Variants in SIM1 observed in about 807,000 individuals in gnomAD.
SIM1 encodes the protein single-minded homolog 1.
SIM1 carries 18 observed loss-of-function variants against 78.2 expected under a neutral mutation model. The observed-to-expected ratio is 0.23, with a 90% CI of 0.16 to 0.34. The LOEUF is 0.34. Among genes scored for constraint, SIM1 ranks in the 10% least tolerant of loss-of-function variants. SIM1 has a pLI of 1.00. For synonymous variants in SIM1, 417 were observed against 385.2 expected, an observed-to-expected ratio of 1.08 and a Z score of -0.97; for missense variants, 939 against 975.1, an observed-to-expected ratio of 0.96 and a Z score of 0.49.
chr6:100,463,274 A>C lies in SIM1; in HGVS notation c.175+20T>G. 3.8e-6 allele frequency: 6 copies of C among 1,590,240 alleles called. No homozygotes were observed. Among genetic ancestry groups the C allele is most frequent in the Non-Finnish European group, 5.2e-6 (6 of 1,161,890 alleles). On this transcript the variant is annotated intron_variant, in intron 2 of 11. Transcript: ENST00000369208. ...CGGCCCCTTCTGCCTTTGAAATTCC[A>C]TCTGGGCAAAGTCACTTACCTTCTG...
In SIM1 at chr6:100,390,808, G is replaced by C; in HGVS notation, c.1854C>G (p.Val618=). The part of the protein sequence containing the change: ...NYQQPPPTGE[V]CHGSALANTS... ...TGTTGGCAAGAGCAGAGCCATGGCA[G>C]ACTTCACCTGTTGGTGGGGGCTGTT... Residue 618 remains valine (V), a synonymous_variant, in exon 12 of 12, where the codon GTC becomes GTG. Transcript: ENST00000369208. 1 of 1,614,198 alleles carries C rather than the reference G, an allele frequency of 6.2e-7. No individual in the cohort carries two copies. The highest frequency in any genetic ancestry group is 1.7e-5 in the Admixed American group (1 of 60,028).
chr6:100,454,388 C>T (rs569299143), intron 2 of SIM1, among the ~76,000 whole-genome samples: 147 of 152,242 alleles, frequency 9.7e-4, no homozygotes, highest in African/African-American at 3.4e-3. Context: ...TAATCGCCTT[C>T]GGAAAAATTA....
At chr6:100,438,940 T>G (rs959812471) in intron 9 of SIM1, among the ~76,000 whole-genome samples, 3 of 152,136 alleles carry the variant, frequency 2.0e-5, no homozygotes, top group African/African-American at 7.2e-5. Context: ...AATGGTATAA[T>G]GGACTTTGGG....
chr6:100,463,733 G>A lies in SIM1; in HGVS notation c.-265C>T, dbSNP rs781180147. 2.5e-4 allele frequency: 87 copies of A among 341,322 alleles called. No homozygotes were observed. The highest frequency in any genetic ancestry group is 4.3e-4 in the Non-Finnish European group (81 of 186,842). The allele number at this position is 341,322 out of a possible 1,614,324, so 21.1% of individuals were successfully genotyped here. On this transcript the variant is annotated 5_prime_UTR_variant, in exon 2 of 12. Coordinates refer to ENST00000369208, the MANE Select transcript of SIM1 (RefSeq NM_005068.3). Reference sequence around the variant, plus strand: ...AATTTGGGCGATCCACCGAATTTGGGCAATCCTGAGGGTCGTTCAGGGTAT... The same window carrying A: ...AATTTGGGCGATCCACCGAATTTGGACAATCCTGAGGGTCGTTCAGGGTAT...
intron 3 of SIM1, 141 bp downstream of exon 3, chr6:100,453,621 T>G: frequency 3.1e-6 from 2 of 641,436 alleles, no homozygotes; most frequent in Non-Finnish European, 5.2e-6. Flanking sequence ...GAGGGCCACG[T>G]GCAGTCCGGA....
chr6:100,391,235 G>A, intron 11 of SIM1, 144 bp from the exon 12 acceptor site: 1 of 836,940 alleles, frequency 1.2e-6, no homozygotes, highest in Non-Finnish European at 1.8e-6. Context: ...CATGATGTGA[G>A]CACATGAGTG....
At chr6:100,449,566 C>T (rs2114542356) in intron 5 of SIM1, 25 bp downstream of exon 5, 6 of 1,592,138 alleles carry the variant, frequency 3.8e-6, no homozygotes, top group Non-Finnish European at 4.3e-6. Flanking sequence ...TGGGCCTGAG[C>T]GTCGCAGGCA....
At chr6:100,421,762 G>C (rs900323114) in intron 9 of SIM1, among the ~76,000 whole-genome samples, 6 of 152,104 alleles carry the variant, frequency 3.9e-5, no homozygotes, top group African/African-American at 1.4e-4. Flanking sequence ...TACAACCTCT[G>C]CTGGCTTCTA....
At chr6:100,410,827 G>A (rs1771171291) in intron 10 of SIM1, among the ~76,000 whole-genome samples, 1 of 152,174 alleles carries the variant, frequency 6.6e-6, no homozygotes, top group Non-Finnish European at 1.5e-5. Context: ...GGCAGATGAA[G>A]TTCTCTAAAT....
chr6:100,458,089 G>C (rs1430847366), intron 2 of SIM1, among the ~76,000 whole-genome samples: 1 of 146,838 alleles, frequency 6.8e-6, no homozygotes, highest in African/African-American at 2.6e-5. Flanking sequence ...CGGAGCTCCA[G>C]CCCTCGAGTT....
chr6:100,433,678 G>T (rs765443637), intron 9 of SIM1, among the ~76,000 whole-genome samples: 11 of 151,728 alleles, frequency 7.2e-5, no homozygotes, highest in Non-Finnish European at 1.5e-4. Flanking sequence ...TCGAGGTGCG[G>T]TGAACCATGA....
At chr6:100,437,790 T>G (rs1359909673) in intron 9 of SIM1, among the ~76,000 whole-genome samples, 3 of 152,118 alleles carry the variant, frequency 2.0e-5, no homozygotes, top group African/African-American at 7.2e-5. Flanking sequence ...ACTGCAGAAA[T>G]CACCACATAC....
intron 9 of SIM1, among the ~76,000 whole-genome samples, chr6:100,422,919 C>G (rs1771633280): frequency 6.6e-6 from 1 of 152,144 alleles, no homozygotes; most frequent in Admixed American, 6.6e-5. Flanking sequence ...ATCACTGCCA[C>G]CAAACACAGG....
At position 100,391,044 on chromosome 6, in the gene SIM1, C is replaced by G; in HGVS notation, c.1618G>C (p.Gly540Arg). Residue 540 changes from glycine (G) to arginine (R), a missense_variant, in exon 12 of 12, where the codon GGG (glycine) becomes CGG (arginine). By Grantham distance (125) the Gly-to-Arg change is moderately radical. Around this residue, in one of 5 missense-constraint regions of SIM1, gnomAD observed 556 missense variants for 521.9 expected, o/e 1.07. Transcript: ENST00000369208. ...CGGTCACCTGATTCACTGGCCGACCCAGGGTCTGGAGAACTGACCACACTA... is the reference window on the plus strand; with the variant it reads ...CGGTCACCTGATTCACTGGCCGACCGAGGGTCTGGAGAACTGACCACACTA... ...EDSVVSSPDP[G>R]SASESGDRYR... 6.2e-7 allele frequency: 1 copy of G among 1,613,992 alleles called. No individual in the cohort carries two copies. Among genetic ancestry groups the G allele is most frequent in the Non-Finnish European group, 8.5e-7 (1 of 1,179,970 alleles).
chr6:100,426,235 C>A (rs1771726505), intron 9 of SIM1, among the ~76,000 whole-genome samples: 1 of 152,172 alleles, frequency 6.6e-6, no homozygotes, highest in Non-Finnish European at 1.5e-5. Context: ...GCTTGTCAAT[C>A]TCACCCATAT....
intron 10 of SIM1, among the ~76,000 whole-genome samples, chr6:100,405,705 G>A (rs764648795): frequency 5.3e-5 from 8 of 152,072 alleles, no homozygotes; most frequent in Non-Finnish European, 1.0e-4. Flanking sequence ...GGTTTGAAAT[G>A]TCACAGGCCT....
rs771812586 is a variant in SIM1 at position 100,448,703 on chromosome 6, G to A, written c.544-25C>T. 4 of 1,595,870 alleles carry A rather than the reference G, an allele frequency of 2.5e-6. No individual in the cohort carries two copies. The African/African-American group carries it at 5.4e-5, about 21-fold the overall frequency. ...CCTGAGGCAGAGGGATAGGGAGGGA[G>A]ACTCAGCCACAGGTAGGAAGAGCCC... is the stretch of plus-strand genomic sequence containing the variant. On this transcript the variant is annotated intron_variant, in intron 6 of 11. Coordinates refer to ENST00000369208, the MANE Select transcript of SIM1 (RefSeq NM_005068.3).
At chr6:100,424,873 TC>T (rs1161622577) in intron 9 of SIM1, among the ~76,000 whole-genome samples, 1 of 152,216 alleles carries the variant, frequency 6.6e-6, no homozygotes, top group East Asian at 1.9e-4. Flanking sequence ...GCACCTGCTT[TC>T]CCCAGAACAA....
rs960399413 is a variant in SIM1 at position 100,463,549 on chromosome 6, T to G, written c.-81A>C. 7.4e-7 allele frequency: 1 copy of G among 1,355,308 alleles called. No individual in the cohort carries two copies. Among genetic ancestry groups the G allele is most frequent in the South Asian group, 1.4e-5 (1 of 72,054 alleles). The allele number at this position is 1,355,308 out of a possible 1,614,324, so 84.0% of individuals were successfully genotyped here. A position where few individuals can be genotyped will look rare whatever the true frequency, so the allele number is the denominator to read the frequency against. On this transcript the variant is annotated 5_prime_UTR_variant, in exon 2 of 12. Transcript: ENST00000369208. Reference sequence around the variant, plus strand: ...CCAAAAATAAACTTTCAATTAGAGATCATATTTGGCAAAAACATAAAACAT... The same window carrying G: ...CCAAAAATAAACTTTCAATTAGAGAGCATATTTGGCAAAAACATAAAACAT...
Sources: allele counts gnomAD v4.1 joint callset (sites outside exome capture counted in the v4.1 genomes callset), GRCh38; gene constraint gnomAD v4.1.1; regional missense constraint gnomAD v4.1.1; transcripts MANE v1.5; gene names NCBI Gene and HGNC (gene_info 2026-07-23, HGNC 2026-07-21).